TAFA5: variants seen among roughly 807,000 people sequenced by gnomAD.
TAFA5 encodes chemokine-like protein TAFA-5.
In TAFA5, 6 loss-of-function variants were observed where a neutral mutation model predicts 15.3. The observed-to-expected ratio is 0.39, with a 90% confidence interval of 0.21 to 0.77. TAFA5 has a LOEUF of 0.77. Among genes scored for constraint, TAFA5 ranks in the 30% least tolerant of loss-of-function variants. The pLI is 0.41. For synonymous variants in TAFA5, 103 were observed against 80.7 expected (o/e 1.28, Z -1.48); for missense variants, 161 against 193.1 (o/e 0.83, Z 0.98).
At chr22:48,491,700 C>G (rs982661440) in intron 1 of TAFA5, among the ~76,000 whole-genome samples, 6 of 152,348 alleles carry the variant, frequency 3.9e-5, no homozygotes, top group Non-Finnish European at 7.3e-5. Context: ...GGTGTCAGCA[C>G]GTTGTTCATC....
At chr22:48,494,326 G>C (rs956329121) in intron 1 of TAFA5, among the ~76,000 whole-genome samples, 1 of 152,190 alleles carries the variant, frequency 6.6e-6, no homozygotes, top group African/African-American at 2.4e-5. Context: ...ATTAAAATGT[G>C]GCGCTCTGGA....
chr22:48,694,473 A>G (rs2147240810), intron 2 of TAFA5, among the ~76,000 whole-genome samples: 1 of 152,112 alleles, frequency 6.6e-6, no homozygotes, highest in Non-Finnish European at 1.5e-5. Context: ...GAGGTGTGGG[A>G]CAGAGACTCC....
chr22:48,637,278 C>G (rs536293127), intron 1 of TAFA5, among the ~76,000 whole-genome samples: 9 of 152,210 alleles, frequency 5.9e-5, no homozygotes, highest in African/African-American at 2.2e-4. Flanking sequence ...CGTAGGGGTG[C>G]ATGTGTGCCT....
chr22:48,568,132 C>T (rs1264898155), intron 1 of TAFA5, among the ~76,000 whole-genome samples: 5 of 152,230 alleles, frequency 3.3e-5, no homozygotes, highest in South Asian at 2.1e-4. Flanking sequence ...TGTCTTCGCC[C>T]GTGTGACTGA....
chr22:48,513,734 A>G (rs1038353148), intron 1 of TAFA5, among the ~76,000 whole-genome samples: 6 of 152,152 alleles, frequency 3.9e-5, no homozygotes, highest in Non-Finnish European at 8.8e-5. Flanking sequence ...GCTCTGCTCC[A>G]TGGGGGCAGT....
intron 2 of TAFA5, among the ~76,000 whole-genome samples, chr22:48,677,564 C>A (rs1569075338): frequency 6.6e-6 from 1 of 152,226 alleles, no homozygotes; most frequent in East Asian, 1.9e-4. Flanking sequence ...ACAGCCCAGA[C>A]CTGGCTTTCT....
chr22:48,553,259 C>A (rs192287688), intron 1 of TAFA5, among the ~76,000 whole-genome samples: 1 of 152,120 alleles, frequency 6.6e-6, no homozygotes, highest in Non-Finnish European at 1.5e-5. Flanking sequence ...ACTATGTCTC[C>A]GTGGAGGCCC....
At chr22:48,719,953 C>T (rs1398246858) in intron 3 of TAFA5, among the ~76,000 whole-genome samples, 2 of 152,196 alleles carry the variant, frequency 1.3e-5, no homozygotes, top group African/African-American at 4.8e-5. Flanking sequence ...TTATTTCTGT[C>T]TGCACTTTGG....
In TAFA5 at chr22:48,489,657, C is replaced by G. The variant is rs1462060875; in HGVS notation, c.65C>G (p.Thr22Ser). The G allele has an allele frequency of 6.5e-7, 1 of 1,532,226 alleles. No homozygotes were observed. The highest frequency in any genetic ancestry group is 8.8e-7 in the Non-Finnish European group (1 of 1,140,112). The allele number at this position is 1,532,226 out of a possible 1,614,324, so 94.9% of individuals were successfully genotyped here. ...ACCGCCCTGCCCAGCATGTCCTCAA[C>G]TTTCTGGGCGTTCATGATCCTGGCC... The part of the protein sequence containing the change: ...DATALPSMSS[T>S]FWAFMILASL... The change falls in exon 1 of 4, where the codon ACT (threonine) becomes AGT (serine). Residue 22 changes from threonine (T) to serine (S), a missense_variant. By Grantham distance (58) the Thr-to-Ser change is moderately conservative (BLOSUM62 1). Transcript: ENST00000402357. The surrounding 1 kb of genome is among the most constrained non-coding windows in gnomAD (Gnocchi z 5.5).
intron 1 of TAFA5, among the ~76,000 whole-genome samples, chr22:48,644,441 C>T (rs749886324): frequency 6.6e-6 from 1 of 152,230 alleles, no homozygotes; most frequent in Non-Finnish European, 1.5e-5. Context: ...CCATGCCCTG[C>T]ACCATGGGCA....
In TAFA5 at chr22:48,566,592, C is replaced by G. The variant is rs549105433; in HGVS notation, c.112+76888C>G. Among the ~76,000 whole-genome samples, 17 of 152,242 alleles carry G rather than the reference C, an allele frequency of 1.1e-4. No homozygotes were observed. Among genetic ancestry groups the G allele is most frequent in the Admixed American group, 3.9e-4 (6 of 15,294 alleles). On this transcript the variant is annotated intron_variant, in intron 1 of 3. Coordinates refer to ENST00000402357, the MANE Select transcript of TAFA5 (RefSeq NM_001082967.3). This position sits in a 1 kb window ranked among gnomAD's most constrained non-coding sequence, Gnocchi z 4.5. ...AGGTAGCAGGGGCTGCCCGGGTACA[C>G]CTAGCTTTAGCCCAACCTCTCCTTC...
At position 48,560,476 on chromosome 22, in the gene TAFA5, C is replaced by T. The variant is rs1027889124; in HGVS notation, c.112+70772C>T. ...CCCGGGCAAGGACAGTGCCAGCAGG[C>T]GCCCCCAGTGTGAACTAATGTGAGG... On this transcript the variant is annotated intron_variant, in intron 1 of 3. Transcript: ENST00000402357. This position sits in a 1 kb window ranked among gnomAD's most constrained non-coding sequence, Gnocchi z 4.2. Among the ~76,000 whole-genome samples, 5 of 152,158 alleles carry T rather than the reference C, an allele frequency of 3.3e-5. No homozygotes were observed. Among genetic ancestry groups the T allele is most frequent in the African/African-American group, 4.8e-5 (2 of 41,426 alleles).
chr22:48,556,911 A>G (rs1211471720), intron 1 of TAFA5, among the ~76,000 whole-genome samples: 1 of 152,178 alleles, frequency 6.6e-6, no homozygotes, highest in African/African-American at 2.4e-5. Context: ...TGGTGTCCTC[A>G]TGCACTCACT....
intron 1 of TAFA5, among the ~76,000 whole-genome samples, chr22:48,535,121 C>G (rs1349501628): frequency 1.3e-5 from 2 of 152,196 alleles, no homozygotes; most frequent in African/African-American, 2.4e-5. Context: ...CCCAGCCCAG[C>G]AACCCTTACC....
In TAFA5 at chr22:48,599,312, TCCG is replaced by T. The variant is rs1924878358; in HGVS notation, c.113-47284_113-47282del. ...CCTAGGGCCCTGGCCTTCAGTCCGC[TCCG>T]TAACACGCAGAAGACACTTTCCACT... On this transcript the variant is annotated intron_variant, in intron 1 of 3. Transcript: ENST00000402357. Among the ~76,000 whole-genome samples, 4 of 152,214 alleles carry T rather than the reference TCCG, an allele frequency of 2.6e-5. No individual in the cohort carries two copies. The South Asian group carries it at 8.3e-4, about 32-fold the overall frequency.
intron 3 of TAFA5, among the ~76,000 whole-genome samples, chr22:48,749,593 G>A (rs1019215039): frequency 6.6e-6 from 1 of 152,188 alleles, no homozygotes; most frequent in Admixed American, 6.5e-5. Context: ...TCTGGCCGAG[G>A]CTGACAGCCC....
chr22:48,652,074 A>G (rs1410026146), intron 2 of TAFA5, among the ~76,000 whole-genome samples: 4 of 152,180 alleles, frequency 2.6e-5, no homozygotes, highest in Non-Finnish European at 5.9e-5. Context: ...GCAGGAGCAA[A>G]AGCCTTTCGG....
At chr22:48,740,493 G>C (rs1302748895) in intron 3 of TAFA5, among the ~76,000 whole-genome samples, 1 of 152,230 alleles carries the variant, frequency 6.6e-6, no homozygotes, top group Admixed American at 6.5e-5. Context: ...GCTTACCAGG[G>C]GGGCAGGGAT....
At chr22:48,494,397 C>A (rs1429985026) in intron 1 of TAFA5, among the ~76,000 whole-genome samples, 2 of 152,166 alleles carry the variant, frequency 1.3e-5, no homozygotes, top group East Asian at 3.9e-4. Context: ...TGGTCCAGCC[C>A]CAGCATTCAG....
Sources: allele counts gnomAD v4.1 joint callset (sites outside exome capture counted in the v4.1 genomes callset), GRCh38; gene constraint gnomAD v4.1.1; non-coding constraint Gnocchi (gnomAD v3.1); transcripts MANE v1.5; gene names NCBI Gene and HGNC (gene_info 2026-07-23, HGNC 2026-07-21).